Variants in EXD2 observed in about 807,000 individuals in gnomAD.
EXD2 encodes exonuclease 3'-5' domain-containing protein 2.
Under a neutral mutation model 62.5 loss-of-function variants are expected in EXD2, and 40 were observed. The observed-to-expected ratio is 0.64, with a 90% confidence interval of 0.50 to 0.83. EXD2 has a LOEUF of 0.83. Among genes scored for constraint, EXD2 ranks in the 40% least tolerant of loss-of-function variants. EXD2 has a pLI of 0.00. For synonymous variants in EXD2, 239 were observed against 291.9 expected, an observed-to-expected ratio of 0.82 and a Z score of 1.85; for missense variants, 671 against 761.8, an observed-to-expected ratio of 0.88 and a Z score of 1.40.
At chr14:69,195,012 T>C (rs1262519561) in intron 1 of EXD2, among the ~76,000 whole-genome samples, 1 of 151,944 alleles carries the variant, frequency 6.6e-6, no homozygotes, top group Non-Finnish European at 1.5e-5. Context: ...AGGTCAAGAG[T>C]TTGAGACCAG....
intron 1 of EXD2, among the ~76,000 whole-genome samples, chr14:69,197,380 T>C (rs2042242453): frequency 6.6e-6 from 1 of 152,184 alleles, no homozygotes; most frequent in Admixed American, 6.5e-5. Flanking sequence ...TTTTTCCCAT[T>C]CTGTGGGTTG....
intron 8 of EXD2, 57 bp from the exon 9 acceptor site, chr14:69,237,518 T>C: frequency 3.3e-6 from 5 of 1,536,630 alleles, no homozygotes; most frequent in Non-Finnish European, 4.5e-6. Flanking sequence ...TCTGCTGTCT[T>C]CCCATGTGCT....
rs58093974 is a variant in EXD2 at position 69,216,251 on chromosome 14, C to T, written c.333+6448C>T. On this transcript the variant is annotated intron_variant, in intron 3 of 9. Transcript: ENST00000685843. ...TCTGCAATGCCACTTTATCACAAAA[C>T]AAGTGTCTGTATGTGTCTAGATCTG... is the stretch of plus-strand genomic sequence containing the variant. Among the ~76,000 whole-genome samples the T allele has an allele frequency of 6.9e-3, 1,057 of 152,246 alleles. 11 individuals are homozygous for T. The highest frequency in any genetic ancestry group is 0.024 in the African/African-American group (1,013 of 41,540).
rs1175955826 is a variant in EXD2, at chr14:69,234,893, T to A, written c.911T>A (p.Val304Asp). The change falls in exon 6 of 10, where the codon GTT (valine) becomes GAT (aspartate). Residue 304 changes from valine (V) to aspartate (D), a missense_variant. By Grantham distance (152) the Val-to-Asp change is radical. Transcript: ENST00000685843. Reference protein sequence around the residue: ...SKGMSRLGEEVNGEATESQQK... With the variant: ...SKGMSRLGEEDNGEATESQQK... ...GGAATGAGCAGATTGGGAGAAGAGG[T>A]TAATGGGGAAGCAACAGAATCTCAG... is the stretch of plus-strand genomic sequence containing the variant. 9 of 1,613,822 alleles carry A rather than the reference T, an allele frequency of 5.6e-6. No homozygotes were observed. The South Asian group carries it at 7.7e-5, about 14-fold the overall frequency.
intron 3 of EXD2, among the ~76,000 whole-genome samples, chr14:69,227,680 CA>C (rs983474184): frequency 3.9e-5 from 6 of 151,900 alleles, no homozygotes; most frequent in African/African-American, 1.2e-4. Context: ...TTCATCTCTA[CA>C]AAAAATACAA....
At chr14:69,239,620 A>C (rs1594787489) in intron 9 of EXD2, among the ~76,000 whole-genome samples, 1 of 152,364 alleles carries the variant, frequency 6.6e-6, no homozygotes, top group East Asian at 1.9e-4. Context: ...TTACTGGTTA[A>C]CTGCTACTAT....
chr14:69,200,823 C>T (rs1256862748), intron 1 of EXD2, among the ~76,000 whole-genome samples: 1 of 152,062 alleles, frequency 6.6e-6, no homozygotes, highest in Non-Finnish European at 1.5e-5. Context: ...CCTGTAATCT[C>T]AGCACTTTGG....
Position 69,209,622 on chromosome 14 carries a change from G to C in EXD2, c.152G>C (p.Arg51Thr). ...QQPQQKVLGS[R>T]ELPPPEDDQL... The stretch of plus-strand genomic sequence containing the variant: ...CCACAGCAGAAAGTGCTGGGCAGTA[G>C]AGAGCTGCCCCCTCCAGAAGATGAT... The change falls in exon 3 of 10, where the codon AGA becomes ACA. Residue 51 changes from arginine (R) to threonine (T), a missense_variant. Arg to Thr is a moderately conservative substitution (Grantham distance 71, BLOSUM62 -1). Coordinates refer to ENST00000685843, the MANE Select transcript of EXD2 (RefSeq NM_001193360.2). 1 of 1,550,562 alleles carries C rather than the reference G, an allele frequency of 6.4e-7. No homozygotes were observed.
intron 3 of EXD2, among the ~76,000 whole-genome samples, chr14:69,218,232 TG>T (rs1429201703): frequency 6.6e-6 from 1 of 152,208 alleles, no homozygotes; most frequent in Non-Finnish European, 1.5e-5. Flanking sequence ...CCATTCTAAC[TG>T]GTGTGAGATG....
At position 69,193,292 on chromosome 14, in the gene EXD2, C is replaced by T. The variant is rs569727772; in HGVS notation, c.-132+1701C>T. Among the ~76,000 whole-genome samples, 7 of 152,304 alleles carry T rather than the reference C, an allele frequency of 4.6e-5. No individual in the cohort carries two copies. The South Asian group carries it at 6.2e-4, about 14-fold the overall frequency. On this transcript the variant is annotated intron_variant, in intron 1 of 9. Coordinates refer to ENST00000685843, the MANE Select transcript of EXD2 (RefSeq NM_001193360.2). ...CAGGCTGGTCTCAAACTCCTAAACT[C>T]GAGTGATCCGCCTGCCTTGGCCTCC...
chr14:69,231,925 A>C (rs2043597861), intron 5 of EXD2, among the ~76,000 whole-genome samples: 1 of 151,646 alleles, frequency 6.6e-6, no homozygotes, highest in Admixed American at 6.6e-5. Flanking sequence ...AAAAAAAAAA[A>C]AAAAAAAAAA....
rs184390096 is a variant in EXD2, at chr14:69,200,943, G to A, written c.-131-2974G>A. On this transcript the variant is annotated intron_variant, in intron 1 of 9. Coordinates refer to ENST00000685843, the MANE Select transcript of EXD2 (RefSeq NM_001193360.2). Reference sequence around the variant, plus strand: ...ACAAAAATTAACCGGGTGTGGTGGCGGGCATCTGTAGTCCTAGCTACTTGG... The same window carrying A: ...ACAAAAATTAACCGGGTGTGGTGGCAGGCATCTGTAGTCCTAGCTACTTGG... 7.9e-5 allele frequency among the ~76,000 whole-genome samples: 12 copies of A among 151,566 alleles called. No individual in the cohort carries two copies. In the East Asian group the frequency reaches 2.0e-3, roughly 25 times the overall value.
chr14:69,236,623 C>T, intron 8 of EXD2, 81 bp downstream of exon 8: 2 of 1,576,842 alleles, frequency 1.3e-6, no homozygotes, highest in Non-Finnish European at 1.7e-6. Context: ...CCTTTGGGGG[C>T]TGTGGCTGAG....
intron 2 of EXD2, among the ~76,000 whole-genome samples, chr14:69,206,067 C>G (rs777900076): frequency 6.6e-6 from 1 of 151,950 alleles, no homozygotes; most frequent in Non-Finnish European, 1.5e-5. Flanking sequence ...TACAGGCATG[C>G]ACCACCACAC....
At chr14:69,233,353 C>T (rs2043651842) in intron 5 of EXD2, among the ~76,000 whole-genome samples, 1 of 151,664 alleles carries the variant, frequency 6.6e-6, no homozygotes, top group African/African-American at 2.4e-5. Flanking sequence ...AAAGTCCTTA[C>T]ACTTTTTGTT....
At chr14:69,232,460 G>A (rs1368662020) in intron 5 of EXD2, among the ~76,000 whole-genome samples, 2 of 152,168 alleles carry the variant, frequency 1.3e-5, no homozygotes, top group Non-Finnish European at 2.9e-5. Flanking sequence ...GTTCATCCTT[G>A]AGAAATGTTA....
At chr14:69,213,467 C>T (rs1365370901) in intron 3 of EXD2, among the ~76,000 whole-genome samples, 1 of 145,426 alleles carries the variant, frequency 6.9e-6, no homozygotes, top group Admixed American at 7.1e-5. Context: ...AACTCCTGGG[C>T]TCAAGTGATC....
At chr14:69,195,236 A>T (rs2042165131) in intron 1 of EXD2, among the ~76,000 whole-genome samples, 1 of 145,100 alleles carries the variant, frequency 6.9e-6, no homozygotes, top group Non-Finnish European at 1.5e-5. Flanking sequence ...AAAAAAAGAG[A>T]GATGAGGTCT....
At chr14:69,231,513 G>A (rs1370005481) in intron 5 of EXD2, among the ~76,000 whole-genome samples, 1 of 152,108 alleles carries the variant, frequency 6.6e-6, no homozygotes, top group East Asian at 1.9e-4. Flanking sequence ...GAGTCACATA[G>A]TAAACTGCAG....
Sources: allele counts gnomAD v4.1 joint callset (sites outside exome capture counted in the v4.1 genomes callset), GRCh38; gene constraint gnomAD v4.1.1; transcripts MANE v1.5; gene names NCBI Gene and HGNC (gene_info 2026-07-23, HGNC 2026-07-21).